Variants in TRDN observed in about 807,000 individuals in gnomAD.
The protein encoded by TRDN is triadin, also known as triadin in skeletal muscle.
TRDN carries 161 observed loss-of-function variants against 149.7 expected under a neutral mutation model. That is an observed-to-expected ratio of 1.08 (90% confidence interval 0.95 to 1.23). The LOEUF (loss-of-function observed/expected upper bound fraction) is 1.23. Ranked by LOEUF, TRDN falls within the 50% of genes most tolerant of loss-of-function variation. The pLI is 0.00. For synonymous variants in TRDN, 294 were observed against 250.5 expected, an observed-to-expected ratio of 1.17 and a Z score of -1.64; for missense variants, 896 against 823.5, an observed-to-expected ratio of 1.09 and a Z score of -1.08.
At chr6:123,343,628 C>G (rs1014244309) in intron 21 of TRDN, among the ~76,000 whole-genome samples, 1 of 151,898 alleles carries the variant, frequency 6.6e-6, no homozygotes, top group African/African-American at 2.4e-5. Flanking sequence ...TGGACTAATT[C>G]TTCGAGATTT....
intron 29 of TRDN, among the ~76,000 whole-genome samples, chr6:123,272,403 T>G (rs565748228): frequency 3.9e-5 from 6 of 151,994 alleles, no homozygotes; most frequent in African/African-American, 1.4e-4. Context: ...AAAAATTAAT[T>G]CATAACCTTG....
In TRDN at chr6:123,442,554, A is replaced by G. The variant is rs1435203736; in HGVS notation, c.932-3551T>C. Among the ~76,000 whole-genome samples, 2 of 88,126 alleles carry G rather than the reference A, an allele frequency of 2.3e-5. 1 individual carries two copies. Among genetic ancestry groups the G allele is most frequent in the African/African-American group, 1.1e-4 (2 of 17,564 alleles). The allele number at this position is 88,126 out of a possible 152,430, so 57.8% of individuals were successfully genotyped here. On this transcript the variant is annotated intron_variant, in intron 10 of 40. Coordinates refer to ENST00000334268, the MANE Select transcript of TRDN (RefSeq NM_006073.4). ...GAGCGAGACTCCGTCTCAAAAAAAAAAAAAAAAGAAAAAAAAAAAAAGTCT... is the reference window on the plus strand; with the variant it reads ...GAGCGAGACTCCGTCTCAAAAAAAAGAAAAAAAGAAAAAAAAAAAAAGTCT...
chr6:123,236,486 A>G (rs1236830314), intron 38 of TRDN, among the ~76,000 whole-genome samples: 1 of 152,078 alleles, frequency 6.6e-6, no homozygotes, highest in Non-Finnish European at 1.5e-5. Context: ...TTCTTTTACA[A>G]ATAGTCCTTT....
intron 21 of TRDN, chr6:123,350,178 A>G: frequency 1.0e-6 from 1 of 970,686 alleles, no homozygotes; most frequent in African/African-American, 1.8e-5. Flanking sequence ...TTACCTAAAA[A>G]TATTTTTGTC....
intron 10 of TRDN, among the ~76,000 whole-genome samples, chr6:123,446,196 T>G (rs1217606945): frequency 9.1e-5 from 12 of 132,422 alleles, no homozygotes; most frequent in South Asian, 2.4e-4. Context: ...TGAGATCACA[T>G]GGACACAGGA....
At chr6:123,379,360 G>T (rs1781627978) in intron 16 of TRDN, among the ~76,000 whole-genome samples, 1 of 152,172 alleles carries the variant, frequency 6.6e-6, no homozygotes, top group African/African-American at 2.4e-5. Flanking sequence ...TTGGCCAAGT[G>T]TTGCAGGTCA....
intron 21 of TRDN, among the ~76,000 whole-genome samples, chr6:123,348,360 A>T (rs931480113): frequency 3.3e-5 from 5 of 152,150 alleles, no homozygotes; most frequent in Non-Finnish European, 7.4e-5. Flanking sequence ...ATGAGAATAC[A>T]GTAACAATGC....
rs9401676 is a variant in TRDN at position 123,503,108 on chromosome 6, C to T, written c.793+611G>A. On this transcript the variant is annotated intron_variant, in intron 8 of 40. Transcript: ENST00000334268. Reference sequence around the variant, plus strand: ...TGACATCACTCTTGCTGAAGAATGGCGAAATATGTCACATTCAGAGCTTTC... The same window carrying T: ...TGACATCACTCTTGCTGAAGAATGGTGAAATATGTCACATTCAGAGCTTTC... 1.2e-3 allele frequency: 1,153 copies of T among 985,050 alleles called. 42 individuals carry two copies. The East Asian group carries it at 0.093, about 79-fold the overall frequency. The allele number at this position is 985,050 out of a possible 1,614,324, so 61.0% of individuals were successfully genotyped here. A position where few individuals can be genotyped will look rare whatever the true frequency, so the allele number is the denominator to read the frequency against.
intron 5 of TRDN, among the ~76,000 whole-genome samples, chr6:123,527,257 C>G (rs2114318791): frequency 6.6e-6 from 1 of 152,072 alleles, no homozygotes; most frequent in African/African-American, 2.4e-5. Context: ...ATAATCATGA[C>G]TTGGACCTTT....
chr6:123,374,593 C>T (rs139000391), intron 19 of TRDN, among the ~76,000 whole-genome samples: 47 of 152,106 alleles, frequency 3.1e-4, no homozygotes, highest in African/African-American at 1.0e-3. Flanking sequence ...AAAAGACATT[C>T]CTATCAAGCT....
intron 12 of TRDN, among the ~76,000 whole-genome samples, chr6:123,435,319 A>G (rs1466745010): frequency 6.6e-6 from 1 of 152,044 alleles, no homozygotes; most frequent in Non-Finnish European, 1.5e-5. Context: ...CAGCTCTTCA[A>G]GATTTCAGGT....
intron 12 of TRDN, among the ~76,000 whole-genome samples, chr6:123,400,167 G>A (rs370228439): frequency 2.4e-5 from 3 of 123,376 alleles, no homozygotes; most frequent in Admixed American, 1.8e-4. Flanking sequence ...ATATGTATGT[G>A]TATATATATA....
At chr6:123,256,476 C>T (rs368245154) in intron 35 of TRDN, among the ~76,000 whole-genome samples, 1 of 152,276 alleles carries the variant, frequency 6.6e-6, no homozygotes, top group East Asian at 1.9e-4. Context: ...TATATCTCCA[C>T]ATCATCTCCA....
chr6:123,386,903 G>T (rs1781925377), intron 14 of TRDN, among the ~76,000 whole-genome samples: 1 of 152,094 alleles, frequency 6.6e-6, no homozygotes, highest in Non-Finnish European at 1.5e-5. Flanking sequence ...TCTCAAAAAG[G>T]GATCATTGCA....
rs1359481673 is a variant in TRDN at position 123,456,302 on chromosome 6, CT to C, written c.931+8603del. 9.2e-5 allele frequency among the ~76,000 whole-genome samples: 14 copies of C among 152,234 alleles called. 1 individual carries two copies. The highest frequency in any genetic ancestry group is 9.2e-4 in the Admixed American group (14 of 15,298). On this transcript the variant is annotated intron_variant, in intron 10 of 40. Coordinates refer to ENST00000334268, the MANE Select transcript of TRDN (RefSeq NM_006073.4). The stretch of plus-strand genomic sequence containing the variant: ...TTTAAGTTGTAATCATTTCAATATG[CT>C]GAGTTCAGGCTTATTTGAACTGATG...
At chr6:123,445,294 C>T (rs1309912976) in intron 10 of TRDN, 1 of 151,038 alleles carries the variant, frequency 6.6e-6, no homozygotes, top group Admixed American at 6.6e-5. Flanking sequence ...TAGAAGAAAA[C>T]CTAGGCATTA....
In TRDN at chr6:123,503,860, T is replaced by G. The variant is rs1778805040; in HGVS notation, c.652A>C (p.Thr218Pro). 2 of 1,587,950 alleles carry G rather than the reference T, an allele frequency of 1.3e-6. No homozygotes were observed. The highest frequency in any genetic ancestry group is 2.7e-5 in the African/African-American group (2 of 74,652). Reference sequence around the variant, plus strand: ...TTTCCACCTTTCACTTCCTTTTTAGTCTTTTCTTCACTCTTTTCTGCAGTC... The same window carrying G: ...TTTCCACCTTTCACTTCCTTTTTAGGCTTTTCTTCACTCTTTTCTGCAGTC... ...AKTAEKSEEK[T>P]KKEVKGGKQE... Residue 218 changes from threonine (T) to proline (P), a missense_variant, in exon 8 of 41, where the codon ACT (threonine) becomes CCT (proline). By Grantham distance (38) the Thr-to-Pro change is conservative. Transcript: ENST00000334268.
chr6:123,380,216 C>T (rs1485524429), intron 16 of TRDN, among the ~76,000 whole-genome samples: 1 of 152,172 alleles, frequency 6.6e-6, no homozygotes, highest in Admixed American at 6.6e-5. Flanking sequence ...CGTGAAAAGG[C>T]ATGTTTATTT....
intron 21 of TRDN, among the ~76,000 whole-genome samples, chr6:123,342,442 G>A (rs1742507628): frequency 6.6e-6 from 1 of 151,816 alleles, no homozygotes; most frequent in South Asian, 2.1e-4. Flanking sequence ...TTTAAATTAA[G>A]ATAATAACTT....
Sources: gnomAD v4.1 joint callset for allele counts (sites outside exome capture counted in the v4.1 genomes callset) on GRCh38, gnomAD v4.1.1 for gene constraint, MANE v1.5 for transcripts, NCBI Gene and HGNC (gene_info 2026-07-23, HGNC 2026-07-21) for gene names.